Variants in ERI1 observed in about 807,000 individuals in gnomAD.
ERI1 encodes the protein exoribonuclease 1.
In ERI1, 39 loss-of-function variants were observed where a neutral mutation model predicts 39.7. That is an observed-to-expected ratio of 0.98 (90% CI 0.76 to 1.28). The LOEUF (loss-of-function observed/expected upper bound fraction) is 1.28, where lower values mean the gene tolerates loss of function less well. Among genes scored for constraint, ERI1 ranks in the 50% most tolerant of loss-of-function variants. The pLI is 0.00. For missense variants in ERI1, 581 were observed against 416.9 expected, an observed-to-expected ratio of 1.39 and a Z score of -3.43; for synonymous variants, 204 against 149.6, an observed-to-expected ratio of 1.36 and a Z score of -2.65.
At chr8:9,016,161 TAA>T (rs1429494609) in intron 3 of ERI1, among the ~76,000 whole-genome samples, 159 bp from the exon 4 acceptor site, 1 of 152,226 alleles carries the variant, frequency 6.6e-6, no homozygotes, top group Non-Finnish European at 1.5e-5. Context: ...ATTTAAAAAT[TAA>T]GAGTGCTTTC....
intron 6 of ERI1, among the ~76,000 whole-genome samples, chr8:9,024,357 G>A (rs1818243092): frequency 1.3e-5 from 2 of 152,102 alleles, no homozygotes; most frequent in Admixed American, 6.5e-5. Context: ...TGTGGAGTTA[G>A]CATTTACAAA....
In ERI1 at chr8:9,067,856, C is replaced by T. The variant is rs560638733; in HGVS notation, n.299+47392C>T. On this transcript the variant is annotated intron_variant and non_coding_transcript_variant, in intron 3 of 3. Transcript: ENST00000518663. ...CCTGCCCCAGCAGGTTTTTTTACCTCCTTTTCCTTCTTTCACATTTTCTAC... is the reference window on the plus strand; with the variant it reads ...CCTGCCCCAGCAGGTTTTTTTACCTTCTTTTCCTTCTTTCACATTTTCTAC... Among the ~76,000 whole-genome samples the T allele has an allele frequency of 5.3e-5, 8 of 151,926 alleles. No homozygotes were observed. The South Asian group carries it at 1.7e-3, about 32-fold the overall frequency.
intron 3 of ERI1, among the ~76,000 whole-genome samples, chr8:9,089,163 G>A (rs1485175903): frequency 6.6e-6 from 1 of 152,168 alleles, no homozygotes; most frequent in African/African-American, 2.4e-5. Context: ...TCTTCACTGA[G>A]TTTCTCTCAC....
intron 3 of ERI1, among the ~76,000 whole-genome samples, chr8:9,041,533 C>T (rs1489159382): frequency 6.6e-6 from 1 of 152,152 alleles, no homozygotes; most frequent in Non-Finnish European, 1.5e-5. Flanking sequence ...TAACAAGGAA[C>T]ATTCAAAACT....
At chr8:9,005,889 C>T (rs1815964726) in intron 1 of ERI1, among the ~76,000 whole-genome samples, 1 of 152,184 alleles carries the variant, frequency 6.6e-6, no homozygotes, top group Admixed American at 6.5e-5. Context: ...AAAAGCTTCT[C>T]TTATTTGAGA....
chr8:9,010,216 G>C (rs1301719431), intron 2 of ERI1, among the ~76,000 whole-genome samples: 1 of 152,188 alleles, frequency 6.6e-6, no homozygotes, highest in African/African-American at 2.4e-5. Flanking sequence ...TTTCTATCCA[G>C]AGCAACTAGT....
intron 4 of ERI1, 55 bp downstream of exon 4, chr8:9,016,460 A>G (rs942660992): frequency 9.1e-7 from 1 of 1,093,218 alleles, no homozygotes; most frequent in Non-Finnish European, 1.3e-6. Flanking sequence ...GAAATTAGGG[A>G]TTTATTTTAT....
rs143189241 is a variant in ERI1 at position 9,009,659 on chromosome 8, C to T, written c.287+1511C>T. 2.5e-3 allele frequency among the ~76,000 whole-genome samples: 381 copies of T among 152,272 alleles called. 2 individuals are homozygous for T. The highest frequency in any genetic ancestry group is 8.8e-3 in the African/African-American group (364 of 41,544). ...GATTCAAGCGATTCTCGTGCCTCAG[C>T]CTCCTGAGTAGCTCGGATTACAGGC... On this transcript the variant is annotated intron_variant, in intron 2 of 6. Transcript: ENST00000250263.
chr8:9,065,728 C>CTCCTGAT, intron 3 of ERI1, among the ~76,000 whole-genome samples: 1 of 149,114 alleles, frequency 6.7e-6, no homozygotes, highest in East Asian at 1.9e-4. Flanking sequence ...TGACTCCTGA[C>CTCCTGAT]AATACGTGCA....
At chr8:9,061,633 C>T (rs1333554988) in intron 3 of ERI1, among the ~76,000 whole-genome samples, 1 of 152,166 alleles carries the variant, frequency 6.6e-6, no homozygotes, top group Admixed American at 6.5e-5. Flanking sequence ...ACCGCACTAA[C>T]CATGCCTGGG....
chr8:9,011,583 A>T lies in ERI1; in HGVS notation c.329A>T (p.Tyr110Phe). 1 of 1,613,038 alleles carries T rather than the reference A, an allele frequency of 6.2e-7. No individual in the cohort carries two copies. The highest frequency in any genetic ancestry group is 8.5e-7 in the Non-Finnish European group (1 of 1,179,414). ...CTAAAGAAGAGACTGAAAAACTATT[A>T]TAAGAAGCAGAAGCTGATGCTGAAA... ...DVLKKRLKNYYKKQKLMLKES... is the reference protein window; with the variant it reads ...DVLKKRLKNYFKKQKLMLKES... The change falls in exon 3 of 7, where the codon TAT becomes TTT. Residue 110 changes from tyrosine (Y) to phenylalanine (F), a missense_variant. Tyr to Phe is a conservative substitution (Grantham distance 22). Coordinates refer to ENST00000250263, the MANE Select transcript of ERI1 (RefSeq NM_153332.4).
intron 3 of ERI1, among the ~76,000 whole-genome samples, chr8:9,060,509 C>T (rs1798658052): frequency 6.6e-6 from 1 of 152,078 alleles, no homozygotes; most frequent in Non-Finnish European, 1.5e-5. Context: ...AAGTGATCTC[C>T]TTGAGGATAG....
chr8:9,091,476 C>G (rs1799702440), intron 3 of ERI1: 1 of 150,650 alleles, frequency 6.6e-6, no homozygotes, highest in Admixed American at 6.6e-5. Context: ...TCATAGCACT[C>G]TAGCCTGGGC....
chr8:9,097,851 A>T (rs1455170641), intron 3 of ERI1, among the ~76,000 whole-genome samples: 1 of 152,222 alleles, frequency 6.6e-6, no homozygotes, highest in African/African-American at 2.4e-5. Context: ...AATTAAAAAA[A>T]AATGCTTAAC....
At chr8:9,067,671 G>T (rs986270161) in intron 3 of ERI1, among the ~76,000 whole-genome samples, 14 of 132,074 alleles carry the variant, frequency 1.1e-4, no homozygotes, top group African/African-American at 3.3e-4. Flanking sequence ...AAAAAAAAAA[G>T]GTGACAAGAC....
intron 4 of ERI1, among the ~76,000 whole-genome samples, chr8:9,017,094 C>T (rs919435054): frequency 6.6e-6 from 1 of 152,116 alleles, no homozygotes; most frequent in Admixed American, 6.5e-5. Context: ...GGCTGGAGTG[C>T]AGTGGCACGA....
At chr8:9,006,204 G>A (rs1353216308) in intron 1 of ERI1, among the ~76,000 whole-genome samples, 3 of 152,206 alleles carry the variant, frequency 2.0e-5, no homozygotes, top group Admixed American at 2.0e-4. Context: ...AACCATTAGT[G>A]TAGATTTGAA....
chr8:9,032,999 T>C lies in ERI1; in HGVS notation c.*2965T>C, dbSNP rs948823305. The C allele has an allele frequency of 5.3e-5, 8 of 152,210 alleles. No individual in the cohort carries two copies. Among genetic ancestry groups the C allele is most frequent in the African/African-American group, 1.4e-4 (6 of 41,452 alleles). The allele number at this position is 152,210 out of a possible 1,614,324, so 9.4% of individuals were successfully genotyped here. A position where few individuals can be genotyped will look rare whatever the true frequency, so the allele number is the denominator to read the frequency against. ...CTGCATCTTTGATTCCAGCGACATA[T>C]GATAAAATGTTTTGCACATAGTTGA... On this transcript the variant is annotated 3_prime_UTR_variant, in exon 7 of 7. Coordinates refer to ENST00000250263, the MANE Select transcript of ERI1 (RefSeq NM_153332.4).
chr8:9,065,150 G>C (rs1305892965), intron 3 of ERI1, among the ~76,000 whole-genome samples: 1 of 152,178 alleles, frequency 6.6e-6, no homozygotes, highest in Non-Finnish European at 1.5e-5. Context: ...TGTACGTGCA[G>C]GCCACAGGGG....
Sources: allele counts gnomAD v4.1 joint callset (sites outside exome capture counted in the v4.1 genomes callset), GRCh38; gene constraint gnomAD v4.1.1; transcripts MANE v1.5; gene names NCBI Gene and HGNC (gene_info 2026-07-23, HGNC 2026-07-21).